The following ERC2 variants were observed in gnomAD, a reference collection of about 807,000 sequenced individuals.
ERC2 encodes ERC protein 2.
In ERC2, 42 loss-of-function variants were observed where a neutral mutation model predicts 114.8. The ratio of observed to expected loss-of-function variants is 0.37; its 90% confidence interval spans 0.29 to 0.47. The LOEUF (loss-of-function observed/expected upper bound fraction) is 0.47, where lower values mean the gene tolerates loss of function less well. Ranked by LOEUF, ERC2 falls within the 20% of genes least tolerant of loss-of-function variation. The probability of loss-of-function intolerance (pLI) is 0.99; values close to 1 mark genes in which losing one functional copy is unlikely to be tolerated. For missense variants in ERC2, 939 were observed against 1,150.7 expected (o/e 0.82, Z 2.66); for synonymous variants, 454 against 425.5 (o/e 1.07, Z -0.82).
At chr3:56,329,291 A>C (rs1037717833) in intron 2 of ERC2, among the ~76,000 whole-genome samples, 14 of 152,188 alleles carry the variant, frequency 9.2e-5, no homozygotes, top group African/African-American at 3.4e-4. Flanking sequence ...GCTGTTGAGA[A>C]CAGTGCACGA....
At chr3:55,893,065 C>T (rs1169792948) in intron 13 of ERC2, among the ~76,000 whole-genome samples, 6 of 152,074 alleles carry the variant, frequency 3.9e-5, no homozygotes, top group Admixed American at 6.5e-5. Context: ...TGTAGGGACA[C>T]GGCAAGACGT....
chr3:55,703,572 G>A (rs1290229461), intron 15 of ERC2, among the ~76,000 whole-genome samples: 1 of 152,164 alleles, frequency 6.6e-6, no homozygotes, highest in Non-Finnish European at 1.5e-5. Flanking sequence ...TCCACCACTA[G>A]GTTGAAAATC....
intron 12 of ERC2, among the ~76,000 whole-genome samples, chr3:55,982,643 TC>T (rs1021504650): frequency 5.1e-4 from 78 of 152,326 alleles, no homozygotes; most frequent in Middle Eastern, 3.4e-3. Flanking sequence ...GGTCAGTTTT[TC>T]GTCAGGTATT....
At chr3:55,807,830 T>C (rs556933504) in intron 14 of ERC2, among the ~76,000 whole-genome samples, 2 of 152,218 alleles carry the variant, frequency 1.3e-5, no homozygotes, top group Non-Finnish European at 2.9e-5. Flanking sequence ...CATGGGCTTT[T>C]CAGGCTTCTT....
chr3:55,974,493 A>G (rs562752507), intron 12 of ERC2, among the ~76,000 whole-genome samples: 1 of 152,310 alleles, frequency 6.6e-6, no homozygotes, highest in South Asian at 2.1e-4. Flanking sequence ...CTCTAATCAC[A>G]CTGTGTGGGG....
intron 14 of ERC2, among the ~76,000 whole-genome samples, chr3:55,772,304 G>C (rs1422715938): frequency 1.3e-5 from 2 of 151,636 alleles, no homozygotes; most frequent in Non-Finnish European, 2.9e-5. Context: ...CACCACGCCT[G>C]GCTACTTTTT....
intron 14 of ERC2, among the ~76,000 whole-genome samples, chr3:55,884,062 A>G (rs2063249120): frequency 6.6e-6 from 1 of 152,190 alleles, no homozygotes. Context: ...GATGTTACCA[A>G]TTAGGGAAAT....
At chr3:56,006,764 T>C (rs574903621) in intron 10 of ERC2, among the ~76,000 whole-genome samples, 65 of 152,160 alleles carry the variant, frequency 4.3e-4, no homozygotes, top group African/African-American at 1.5e-3. Flanking sequence ...TCAGAAAAGC[T>C]TTTTGCAAAG....
Position 55,587,274 on chromosome 3 carries a change from C to A in ERC2, c.*40-75998G>T, listed in dbSNP as rs1696247. 2.0e-5 allele frequency among the ~76,000 whole-genome samples: 3 copies of A among 152,164 alleles called. No individual in the cohort carries two copies. The East Asian group carries it at 5.8e-4, about 30-fold the overall frequency. Reference sequence around the variant, plus strand: ...GTTCAAGCGATTCTCCTGCCTCAGCCTCCCGAGTACCTGAGATTACAAGCA... The same window carrying A: ...GTTCAAGCGATTCTCCTGCCTCAGCATCCCGAGTACCTGAGATTACAAGCA... On this transcript the variant is annotated intron_variant, in intron 17 of 17. Coordinates refer to ENST00000288221, the MANE Select transcript of ERC2 (RefSeq NM_015576.3).
chr3:56,383,068 A>AGTTT (rs2059810706), intron 2 of ERC2, among the ~76,000 whole-genome samples: 1 of 151,988 alleles, frequency 6.6e-6, no homozygotes, highest in African/African-American at 2.4e-5. Context: ...AAATCTACCC[A>AGTTT]GCTTTATCAT....
chr3:55,866,357 C>T (rs2062314023), intron 14 of ERC2, among the ~76,000 whole-genome samples: 1 of 152,126 alleles, frequency 6.6e-6, no homozygotes, highest in Non-Finnish European at 1.5e-5. Flanking sequence ...ATAGAGGATA[C>T]ATATCCCTTA....
At chr3:56,239,500 T>A (rs940393463) in intron 3 of ERC2, among the ~76,000 whole-genome samples, 1 of 152,068 alleles carries the variant, frequency 6.6e-6, no homozygotes, top group Non-Finnish European at 1.5e-5. Flanking sequence ...AGTGAGTCTC[T>A]GTCTGAAAAA....
At chr3:55,831,624 G>T (rs1197202181) in intron 14 of ERC2, among the ~76,000 whole-genome samples, 2 of 152,068 alleles carry the variant, frequency 1.3e-5, no homozygotes, top group South Asian at 4.1e-4. Flanking sequence ...AACCTGGTCG[G>T]GCAGCCAAGA....
chr3:55,629,171 C>A (rs184703359), intron 17 of ERC2, among the ~76,000 whole-genome samples: 2 of 152,226 alleles, frequency 1.3e-5, no homozygotes, highest in African/African-American at 4.8e-5. Context: ...GTCTCCTGGG[C>A]CTCGCGGCTC....
chr3:56,006,230 C>T (rs994956335), intron 10 of ERC2, among the ~76,000 whole-genome samples: 3 of 152,016 alleles, frequency 2.0e-5, no homozygotes, highest in East Asian at 1.9e-4. Flanking sequence ...TTGCATCATA[C>T]AAAATAGTAT....
In ERC2 at chr3:56,289,974, T is replaced by A. The variant is rs1209254028; in HGVS notation, c.1074+6045A>T. Among the ~76,000 whole-genome samples the A allele has an allele frequency of 2.0e-5, 3 of 152,204 alleles. No homozygotes were observed. In the East Asian group the frequency reaches 5.8e-4, roughly 29 times the overall value. On this transcript the variant is annotated intron_variant, in intron 3 of 17. Coordinates refer to ENST00000288221, the MANE Select transcript of ERC2 (RefSeq NM_015576.3). Reference sequence around the variant, plus strand: ...TACACATGATGACAACAGTATTTACTTAGCACAGGACAATACTTGATAATT... The same window carrying A: ...TACACATGATGACAACAGTATTTACATAGCACAGGACAATACTTGATAATT...
At position 56,250,396 on chromosome 3, in the gene ERC2, G is replaced by A. The variant is rs1433360557; in HGVS notation, c.1074+45623C>T. Among the ~76,000 whole-genome samples, 7 of 152,230 alleles carry A rather than the reference G, an allele frequency of 4.6e-5. No homozygotes were observed. In the East Asian group the frequency reaches 1.3e-3, roughly 29 times the overall value. ...CAAACAGCTTACCTTTAGGAAGTATGAGAATTTTAATGTCCTTGGAGTGCT... is the reference window on the plus strand; with the variant it reads ...CAAACAGCTTACCTTTAGGAAGTATAAGAATTTTAATGTCCTTGGAGTGCT... On this transcript the variant is annotated intron_variant, in intron 3 of 17. Coordinates refer to ENST00000288221, the MANE Select transcript of ERC2 (RefSeq NM_015576.3).
chr3:56,198,384 T>A (rs1298389384), intron 3 of ERC2, among the ~76,000 whole-genome samples: 1 of 152,186 alleles, frequency 6.6e-6, no homozygotes, highest in Admixed American at 6.5e-5. Flanking sequence ...CATGATCAAA[T>A]GTGCATTTCA....
chr3:56,155,447 G>A (rs940816407), intron 4 of ERC2, among the ~76,000 whole-genome samples: 2 of 151,490 alleles, frequency 1.3e-5, no homozygotes, highest in Admixed American at 6.6e-5. Flanking sequence ...CTGAATGATT[G>A]GGCCCTTATA....
Sources: gnomAD v4.1 joint callset for allele counts (sites outside exome capture counted in the v4.1 genomes callset) on GRCh38, gnomAD v4.1.1 for gene constraint, MANE v1.5 for transcripts, NCBI Gene and HGNC (gene_info 2026-07-23, HGNC 2026-07-21) for gene names.